The following PRKCH variants were observed in gnomAD, a reference collection of about 807,000 sequenced individuals.
The protein encoded by PRKCH is protein kinase C eta type.
A neutral mutation model predicts 82.5 loss-of-function variants in PRKCH; 28 were observed. That is an observed-to-expected ratio of 0.34 (90% CI 0.25 to 0.47). PRKCH has a LOEUF of 0.47. Among genes scored for constraint, PRKCH ranks in the 20% least tolerant of loss-of-function variants. The pLI, the probability that PRKCH is intolerant of heterozygous loss-of-function variation, is 1.00. For missense variants in PRKCH, 705 were observed against 881.8 expected, an observed-to-expected ratio of 0.80 and a Z score of 2.54; for synonymous variants, 322 against 327.4, an observed-to-expected ratio of 0.98 and a Z score of 0.18.
chr14:61,534,979 A>C (rs1031502668), intron 12 of PRKCH, among the ~76,000 whole-genome samples: 3 of 152,230 alleles, frequency 2.0e-5, no homozygotes, highest in Admixed American at 1.3e-4. Flanking sequence ...CTCCTTGAAC[A>C]GTTCAGCAAC....
chr14:61,362,037 A>G (rs2046231014), intron 1 of PRKCH, among the ~76,000 whole-genome samples: 1 of 152,212 alleles, frequency 6.6e-6, no homozygotes, highest in Non-Finnish European at 1.5e-5. Flanking sequence ...TAATTGCTGT[A>G]TTATCTAAAA....
At chr14:61,519,930 G>T (rs1325091987) in intron 10 of PRKCH, among the ~76,000 whole-genome samples, 1 of 151,870 alleles carries the variant, frequency 6.6e-6, no homozygotes, top group Non-Finnish European at 1.5e-5. Flanking sequence ...CTACAAATGT[G>T]CAGGTTCTCT....
chr14:61,460,148 C>CT lies in PRKCH; in HGVS notation c.1278+2472dup, dbSNP rs1884963181. On this transcript the variant is annotated intron_variant, in intron 9 of 13. Transcript: ENST00000332981. The stretch of plus-strand genomic sequence containing the variant: ...AGGCGTGAGCCACTGTACCTGGCCA[C>CT]TTTATTTTTTTAAGACATAATATTA... Among the ~76,000 whole-genome samples the CT allele has an allele frequency of 3.3e-5, 5 of 151,964 alleles. No individual in the cohort carries two copies. The South Asian group carries it at 1.0e-3, about 31-fold the overall frequency.
intron 2 of PRKCH, among the ~76,000 whole-genome samples, chr14:61,403,375 G>A (rs145131224): frequency 1.2e-4 from 19 of 152,246 alleles, no homozygotes; most frequent in African/African-American, 4.6e-4. Context: ...ACATATTTGT[G>A]TATGTTATAA....
At chr14:61,245,650 G>GCAGCTTTACGGTGGT (rs372322762) in intron 1 of PRKCH, among the ~76,000 whole-genome samples, 2 of 151,198 alleles carry the variant, frequency 1.3e-5, no homozygotes, top group African/African-American at 4.9e-5. Flanking sequence ...AGCCGGTGGG[G>GCAGCTTTACGGTGGT]CAGCCTTACA....
intron 1 of PRKCH, among the ~76,000 whole-genome samples, chr14:61,291,273 C>T (rs916387788): frequency 2.0e-5 from 3 of 150,280 alleles, no homozygotes; most frequent in Non-Finnish European, 2.9e-5. Context: ...GCAACTGGCC[C>T]TTCTTTGTGA....
At chr14:61,548,323 C>T (rs528829638) in intron 13 of PRKCH, among the ~76,000 whole-genome samples, 1 of 152,354 alleles carries the variant, frequency 6.6e-6, no homozygotes, top group South Asian at 2.1e-4. Flanking sequence ...CTGAGCCTGG[C>T]CTCTTGGCTT....
At chr14:61,484,600 G>A (rs1311414569) in intron 9 of PRKCH, among the ~76,000 whole-genome samples, 1 of 152,020 alleles carries the variant, frequency 6.6e-6, no homozygotes, top group Non-Finnish European at 1.5e-5. Flanking sequence ...TTAGTACACT[G>A]CATAGTGACT....
chr14:61,359,362 G>C (rs1315736758), intron 1 of PRKCH, among the ~76,000 whole-genome samples: 3 of 152,226 alleles, frequency 2.0e-5, no homozygotes. Context: ...TGAAGTGTCA[G>C]AGTGTGTCTG....
intron 2 of PRKCH, among the ~76,000 whole-genome samples, chr14:61,426,776 A>G (rs188729125): frequency 6.6e-6 from 1 of 152,334 alleles, no homozygotes; most frequent in East Asian, 1.9e-4. Context: ...TCACAGAGGA[A>G]TTTTCTCATA....
intron 11 of PRKCH, among the ~76,000 whole-genome samples, chr14:61,530,001 T>C (rs1307996840): frequency 1.3e-5 from 2 of 152,234 alleles, no homozygotes; most frequent in Non-Finnish European, 2.9e-5. Context: ...CTATTTATTT[T>C]CCTTTTTGTC....
At chr14:61,530,370 G>A (rs369644763) in intron 11 of PRKCH, 37 bp from the exon 12 acceptor site, 1 of 1,468,360 alleles carries the variant, frequency 6.8e-7, no homozygotes, top group East Asian at 2.5e-5. Context: ...TTAATCTGAT[G>A]TATGAACCAC....
At position 61,457,662 on chromosome 14, in the gene PRKCH, T is replaced by C. The variant is rs1198811697; in HGVS notation, c.1261T>C (p.Cys421Arg). ...TCACCCCTTCCTCACTCAGTTGTTC[T>C]GCTGCTTTCAGACCCCCGTAAGTAT... Reference protein sequence around the residue: ...RNHPFLTQLFCCFQTPDRLFF... With the variant: ...RNHPFLTQLFRCFQTPDRLFF... Residue 421 changes from cysteine (C) to arginine (R), a missense_variant, in exon 9 of 14, where the codon TGC becomes CGC. By Grantham distance (180) the Cys-to-Arg change is radical. Around this residue, in one of 5 missense-constraint regions of PRKCH, gnomAD observed 238 missense variants for 258.1 expected, o/e 0.92. Transcript: ENST00000332981. 2 of 1,614,066 alleles carry C rather than the reference T, an allele frequency of 1.2e-6. No individual in the cohort carries two copies. The highest frequency in any genetic ancestry group is 1.3e-5 in the African/African-American group (1 of 74,952).
At chr14:61,264,936 T>C (rs1005017517) in intron 1 of PRKCH, among the ~76,000 whole-genome samples, 5 of 152,128 alleles carry the variant, frequency 3.3e-5, no homozygotes, top group Admixed American at 2.0e-4. Context: ...TGGGGAATGG[T>C]GTGTTGGGCT....
At chr14:61,457,345 G>C (rs1048785466) in intron 8 of PRKCH, 26 bp downstream of exon 8, 8 of 1,612,322 alleles carry the variant, frequency 5.0e-6, no homozygotes, top group Non-Finnish European at 6.8e-6. Context: ...AACTGTTTGG[G>C]TTGAAGTAAG....
intron 5 of PRKCH, among the ~76,000 whole-genome samples, chr14:61,450,432 A>G (rs1430842461): frequency 6.6e-6 from 1 of 152,178 alleles, no homozygotes. Flanking sequence ...TTCCCGTGAC[A>G]CAATGTCTGG....
At chr14:61,288,106 G>A (rs1239626957) in intron 1 of PRKCH, among the ~76,000 whole-genome samples, 2 of 152,136 alleles carry the variant, frequency 1.3e-5, no homozygotes, top group Non-Finnish European at 2.9e-5. Flanking sequence ...AAACTAGGGA[G>A]AGAGGGGTGA....
At chr14:61,399,120 AG>A (rs2046827459) in intron 2 of PRKCH, among the ~76,000 whole-genome samples, 1 of 152,210 alleles carries the variant, frequency 6.6e-6, no homozygotes, top group Non-Finnish European at 1.5e-5. Context: ...AATAATGCAG[AG>A]GTGGGCAGAG....
chr14:61,459,291 G>A (rs565071666), intron 9 of PRKCH, among the ~76,000 whole-genome samples: 13 of 152,204 alleles, frequency 8.5e-5, no homozygotes, highest in Non-Finnish European at 1.6e-4. Context: ...AGGGAGGCTG[G>A]CAATACACCT....
Sources: gnomAD v4.1 joint callset for allele counts (sites outside exome capture counted in the v4.1 genomes callset) on GRCh38, gnomAD v4.1.1 for gene constraint, gnomAD v4.1.1 regional missense constraint, MANE v1.5 for transcripts, NCBI Gene and HGNC (gene_info 2026-07-23, HGNC 2026-07-21) for gene names.